GALNT13: variants seen among roughly 807,000 people sequenced by gnomAD.
GALNT13 encodes UDP-GalNAc:polypeptide N-acetylgalactosaminyltransferase 13.
In GALNT13, 28 loss-of-function variants were observed where a neutral mutation model predicts 64.2. The observed-to-expected ratio is 0.44, with a 90% confidence interval of 0.32 to 0.60. The LOEUF is 0.60. GALNT13 is among the 20% of genes least tolerant of loss of function. The probability of loss-of-function intolerance (pLI) is 0.05; values close to 1 mark genes in which losing one functional copy is unlikely to be tolerated. For synonymous variants in GALNT13, 214 were observed against 224.6 expected, an observed-to-expected ratio of 0.95 and a Z score of 0.42; for missense variants, 577 against 669.8, an observed-to-expected ratio of 0.86 and a Z score of 1.53.
At chr2:154,133,975 C>T (rs943075584) in intron 3 of GALNT13, among the ~76,000 whole-genome samples, 11 of 152,032 alleles carry the variant, frequency 7.2e-5, no homozygotes, top group East Asian at 3.9e-4. Context: ...TTGGTAGTGT[C>T]GACTGCTGTT....
chr2:153,600,908 C>T, the GALNT13 span, among the ~76,000 whole-genome samples: 1 of 151,828 alleles, frequency 6.6e-6, no homozygotes, highest in African/African-American at 2.4e-5. Flanking sequence ...TGAAATAATC[C>T]TCCCTAATTC....
intron 8 of GALNT13, among the ~76,000 whole-genome samples, chr2:154,287,975 C>T (rs79975676): frequency 0.019 from 2,919 of 152,150 alleles, 69 homozygotes; most frequent in African/African-American, 0.059. Flanking sequence ...GTTTGTCCAA[C>T]CTGCTTTGCT....
the GALNT13 span, among the ~76,000 whole-genome samples, chr2:153,529,937 C>T: frequency 1.3e-5 from 2 of 151,906 alleles, no homozygotes; most frequent in African/African-American, 2.4e-5. Flanking sequence ...CAGCTAGTAC[C>T]ATATTAAATG....
chr2:153,987,388 C>T (rs1375879309), intron 3 of GALNT13, among the ~76,000 whole-genome samples: 1 of 151,640 alleles, frequency 6.6e-6, no homozygotes, highest in Non-Finnish European at 1.5e-5. Context: ...GCCTTTACTG[C>T]CTCTATCTTG....
At chr2:153,600,302 C>G in the GALNT13 span, among the ~76,000 whole-genome samples, 3 of 151,900 alleles carry the variant, frequency 2.0e-5, no homozygotes, top group South Asian at 2.1e-4. Flanking sequence ...ATATAACATG[C>G]AATTTTATTT....
the GALNT13 span, among the ~76,000 whole-genome samples, chr2:153,264,474 A>G: frequency 6.6e-6 from 1 of 152,220 alleles, no homozygotes; most frequent in South Asian, 2.1e-4. Context: ...TCTGTTATAA[A>G]GATACATGCA....
the GALNT13 span, among the ~76,000 whole-genome samples, chr2:153,832,946 T>G: frequency 0.42 from 64,498 of 152,000 alleles, 14,683 homozygotes; most frequent in Admixed American, 0.58. Context: ...CTATTTTGCT[T>G]TCCATGGCTT....
chr2:153,929,894 T>C (rs1465515675), intron 2 of GALNT13, among the ~76,000 whole-genome samples: 1 of 152,056 alleles, frequency 6.6e-6, no homozygotes, highest in African/African-American at 2.4e-5. Context: ...AAATGGTAGT[T>C]CGGTTTTAAG....
the GALNT13 span, among the ~76,000 whole-genome samples, chr2:153,650,726 A>T: frequency 3.3e-5 from 5 of 152,176 alleles, no homozygotes; most frequent in East Asian, 9.6e-4. Flanking sequence ...TTAGAAGCTT[A>T]GTTTGGCTGG....
chr2:153,536,473 T>G, the GALNT13 span, among the ~76,000 whole-genome samples: 1 of 152,174 alleles, frequency 6.6e-6, no homozygotes, highest in African/African-American at 2.4e-5. Context: ...TTTTTTTTTT[T>G]AGTTTGTTTA....
At chr2:153,479,423 A>G in the GALNT13 span, among the ~76,000 whole-genome samples, 3 of 152,192 alleles carry the variant, frequency 2.0e-5, no homozygotes, top group Admixed American at 1.3e-4. Context: ...CCTTTACAAA[A>G]GCGATTGGGA....
chr2:153,123,532 C>T, the GALNT13 span, among the ~76,000 whole-genome samples: 1,938 of 152,292 alleles, frequency 0.013, 49 homozygotes, highest in African/African-American at 0.044. Flanking sequence ...AATAAAGTTA[C>T]ATTTCAGCAC....
Position 154,231,559 on chromosome 2 carries a change from T to G in GALNT13, c.312-10471T>G, listed in dbSNP as rs538717229. Among the ~76,000 whole-genome samples the G allele has an allele frequency of 7.9e-5, 12 of 152,074 alleles. No individual in the cohort carries two copies. In the South Asian group the frequency reaches 1.5e-3, roughly 18 times the overall value. Reference sequence around the variant, plus strand: ...TTTAAAGAACTTCAATTAGCACTTTTATTTTAAAGAACTTCAGTTAGACTT... The same window carrying G: ...TTTAAAGAACTTCAATTAGCACTTTGATTTTAAAGAACTTCAGTTAGACTT... On this transcript the variant is annotated intron_variant, in intron 4 of 12. Transcript: ENST00000392825.
At chr2:153,825,610 G>GTGTT in the GALNT13 span, among the ~76,000 whole-genome samples, 8 of 65,778 alleles carry the variant, frequency 1.2e-4, no homozygotes, top group Non-Finnish European at 2.4e-4. Context: ...CATGAGTGCT[G>GTGTT]TGTGTGTGTG....
the GALNT13 span, among the ~76,000 whole-genome samples, chr2:153,751,364 G>GT: frequency 9.1e-4 from 134 of 146,824 alleles, no homozygotes; most frequent in African/African-American, 1.4e-3. Context: ...GTTTTGTTTT[G>GT]TTTTTTTTTT....
intron 1 of GALNT13, among the ~76,000 whole-genome samples, chr2:153,881,199 G>A (rs1686759652): frequency 6.6e-6 from 1 of 152,106 alleles, no homozygotes; most frequent in Admixed American, 6.5e-5. Context: ...GTTATTTGAG[G>A]GGATGCCAAT....
At chr2:153,693,542 T>G in the GALNT13 span, among the ~76,000 whole-genome samples, 1 of 152,042 alleles carries the variant, frequency 6.6e-6, no homozygotes, top group African/African-American at 2.4e-5. Flanking sequence ...GTTAAGAATG[T>G]GACTCGGGGG....
At chr2:153,865,413 TG>T in the GALNT13 span, among the ~76,000 whole-genome samples, 1 of 144,534 alleles carries the variant, frequency 6.9e-6, no homozygotes, top group African/African-American at 2.6e-5. Context: ...CCTACTCATC[TG>T]ACAAAGGGCT....
At chr2:153,581,470 A>G in the GALNT13 span, among the ~76,000 whole-genome samples, 16 of 152,134 alleles carry the variant, frequency 1.1e-4, no homozygotes, top group African/African-American at 3.9e-4. Flanking sequence ...AAGGAAAATA[A>G]AAGCTGCCTA....
Sources: gnomAD v4.1 joint callset for allele counts (sites outside exome capture counted in the v4.1 genomes callset) on GRCh38, gnomAD v4.1.1 for gene constraint, MANE v1.5 for transcripts, NCBI Gene and HGNC (gene_info 2026-07-23, HGNC 2026-07-21) for gene names.